OSBPL3: variants seen among roughly 807,000 people sequenced by gnomAD.
The protein encoded by OSBPL3 is oxysterol-binding protein-related protein 3.
A neutral mutation model predicts 120.1 loss-of-function variants in OSBPL3; 65 were observed. That is an observed-to-expected ratio of 0.54 (90% CI 0.44 to 0.67). The LOEUF (loss-of-function observed/expected upper bound fraction) is 0.67, where lower values mean the gene tolerates loss of function less well. Among genes scored for constraint, OSBPL3 ranks in the 30% least tolerant of loss-of-function variants. OSBPL3 has a pLI of 0.00. For synonymous variants in OSBPL3, 416 were observed against 402.6 expected (o/e 1.03, Z -0.40); for missense variants, 1,004 against 1,082.1 (o/e 0.93, Z 1.01).
intron 1 of OSBPL3, among the ~76,000 whole-genome samples, chr7:24,971,792 G>A (rs1817055083): frequency 6.6e-6 from 1 of 152,192 alleles, no homozygotes; most frequent in South Asian, 2.1e-4. Context: ...CTGGCACATG[G>A]AGAGCGCCCA....
chr7:24,971,338 G>A (rs1222140618), intron 1 of OSBPL3, among the ~76,000 whole-genome samples: 1 of 152,228 alleles, frequency 6.6e-6, no homozygotes, highest in Non-Finnish European at 1.5e-5. Context: ...TTTGGTAAAT[G>A]AAGCCAAAGA....
intron 2 of OSBPL3, among the ~76,000 whole-genome samples, chr7:24,878,662 G>C (rs1803198497): frequency 6.6e-6 from 1 of 152,148 alleles, no homozygotes; most frequent in Non-Finnish European, 1.5e-5. Flanking sequence ...ATGTTTCTCA[G>C]CTATGGTTTT....
At chr7:24,929,761 G>A (rs530103697) in intron 1 of OSBPL3, among the ~76,000 whole-genome samples, 1 of 151,946 alleles carries the variant, frequency 6.6e-6, no homozygotes, top group South Asian at 2.1e-4. Flanking sequence ...ATTCCAAATT[G>A]TACCTGTTTT....
In OSBPL3 at chr7:24,937,238, G is replaced by C. The variant is rs1584675940; in HGVS notation, c.-150+42648C>G. Among the ~76,000 whole-genome samples the C allele has an allele frequency of 6.6e-6, 1 of 152,258 alleles. No individual in the cohort carries two copies. Among genetic ancestry groups the C allele is most frequent in the South Asian group, 2.1e-4 (1 of 4,826 alleles). ...TATTATCATGAGAACAGGATGGAGG[G>C]AACCTCTCCCATAATTCAATTTTCT... On this transcript the variant is annotated intron_variant, in intron 1 of 22. Transcript: ENST00000313367. The surrounding 1 kb of genome is among the most constrained non-coding windows in gnomAD (Gnocchi z 4.0).
intron 10 of OSBPL3, among the ~76,000 whole-genome samples, chr7:24,859,795 G>A (rs550588002): frequency 6.6e-6 from 1 of 152,180 alleles, no homozygotes. Flanking sequence ...AATACCTGAC[G>A]TGACAGTTAT....
chr7:24,810,020 A>G (rs1288943449), intron 19 of OSBPL3, 69 bp from the exon 20 acceptor site: 2 of 1,559,594 alleles, frequency 1.3e-6, no homozygotes, highest in African/African-American at 1.4e-5. Context: ...AGGAAAGAAA[A>G]AAGGAAAAGC....
intron 5 of OSBPL3, among the ~76,000 whole-genome samples, chr7:24,866,793 G>A (rs1363293263): frequency 1.3e-5 from 2 of 152,130 alleles, no homozygotes; most frequent in African/African-American, 2.4e-5. Context: ...CTTTCTATGA[G>A]TAAGTCCAAC....
chr7:24,825,208 A>G (rs1795564386), intron 16 of OSBPL3, among the ~76,000 whole-genome samples: 1 of 152,214 alleles, frequency 6.6e-6, no homozygotes, highest in African/African-American at 2.4e-5. Flanking sequence ...TCCTACTGCA[A>G]TAATCCCAGT....
intron 14 of OSBPL3, among the ~76,000 whole-genome samples, chr7:24,836,819 A>C (rs1345569076): frequency 6.6e-6 from 1 of 152,022 alleles, no homozygotes; most frequent in African/African-American, 2.4e-5. Flanking sequence ...TTAACTTCTG[A>C]ATTTGTTTTG....
In OSBPL3 at chr7:24,817,892, G is replaced by T. The variant is rs1794662491; in HGVS notation, c.1949-1204C>A. Among the ~76,000 whole-genome samples the T allele has an allele frequency of 6.6e-6, 1 of 152,292 alleles. No individual in the cohort carries two copies. The highest frequency in any genetic ancestry group is 2.1e-4 in the South Asian group (1 of 4,826). On this transcript the variant is annotated intron_variant, in intron 17 of 22. Transcript: ENST00000313367. The surrounding 1 kb of genome is among the most constrained non-coding windows in gnomAD (Gnocchi z 4.0). ...AGATTTCTCTAACTTGCAATGAATGGTGGTACCAACAGAGAAGCCAGGAAA... is the reference window on the plus strand; with the variant it reads ...AGATTTCTCTAACTTGCAATGAATGTTGGTACCAACAGAGAAGCCAGGAAA...
Position 24,870,839 on chromosome 7 carries a change from T to C in OSBPL3, c.274A>G (p.Arg92Gly). 1.1e-5 allele frequency: 17 copies of C among 1,609,640 alleles called. No homozygotes were observed. Among genetic ancestry groups the C allele is most frequent in the Non-Finnish European group, 1.4e-5 (17 of 1,175,970 alleles). Residue 92 changes from arginine to glycine, a missense_variant, in exon 5 of 23, where the codon AGA becomes GGA. This residue lies in a region of OSBPL3 where 255 missense variants were observed against 248.7 expected (regional missense o/e 1.03). Coordinates refer to ENST00000313367, the MANE Select transcript of OSBPL3 (RefSeq NM_015550.4). ...KYAKSQTDIE[R>G]EKLHGCIDVG... The stretch of plus-strand genomic sequence containing the variant: ...TCAATGCAGCCATGCAGCTTCTCTC[T>C]CTCTATCTGCAGAGGCACCAAGAGG...
rs932721785 is a variant in OSBPL3, at chr7:24,798,254, T to C, written c.*1929A>G. On this transcript the variant is annotated 3_prime_UTR_variant, in exon 23 of 23. Transcript: ENST00000313367. The surrounding 1 kb of genome is among the most constrained non-coding windows in gnomAD (Gnocchi z 4.6). ...GTGCTACGTCCATTCAGGCTGTGCA[T>C]TTTGTTTTCGTTGCTTCTTTCTTTT... 3.3e-5 allele frequency: 5 copies of C among 152,244 alleles called. No homozygotes were observed. Among genetic ancestry groups the C allele is most frequent in the Non-Finnish European group, 5.9e-5 (4 of 68,042 alleles). 9.4% of individuals were successfully genotyped at this position (152,244 alleles called of 1,614,324 possible).
At position 24,835,149 on chromosome 7, in the gene OSBPL3, C is replaced by A. The variant is rs1796845188; in HGVS notation, c.1496-413G>T. Among the ~76,000 whole-genome samples, 1 of 152,128 alleles carries A rather than the reference C, an allele frequency of 6.6e-6. No individual in the cohort carries two copies. Among genetic ancestry groups the A allele is most frequent in the African/African-American group, 2.4e-5 (1 of 41,430 alleles). On this transcript the variant is annotated intron_variant, in intron 14 of 22. Transcript: ENST00000313367. This position sits in a 1 kb window ranked among gnomAD's most constrained non-coding sequence, Gnocchi z 4.8. ...ACTATAAAGGAAATAATGGTCTTTTCATTGCTCCACCACCCCAAAATAGCA... is the reference window on the plus strand; with the variant it reads ...ACTATAAAGGAAATAATGGTCTTTTAATTGCTCCACCACCCCAAAATAGCA...
Position 24,917,466 on chromosome 7 carries a change from T to C in OSBPL3, c.-149-24845A>G, listed in dbSNP as rs1458874543. Among the ~76,000 whole-genome samples the C allele has an allele frequency of 1.2e-4, 15 of 121,194 alleles. 1 individual carries two copies. The highest frequency in any genetic ancestry group is 9.8e-4 in the East Asian group (3 of 3,052). 79.5% of individuals were successfully genotyped at this position (121,194 alleles called of 152,430 possible). A position where few individuals can be genotyped will look rare whatever the true frequency, so the allele number is the denominator to read the frequency against. ...ATATATACACACACATATATATATATATACACACACACACACACACACTTA... is the reference window on the plus strand; with the variant it reads ...ATATATACACACACATATATATATACATACACACACACACACACACACTTA... On this transcript the variant is annotated intron_variant, in intron 1 of 22. Transcript: ENST00000313367.
chr7:24,807,002 C>G (rs1793133313), intron 20 of OSBPL3, 100 bp from the exon 21 acceptor site: 4 of 959,628 alleles, frequency 4.2e-6, no homozygotes, highest in African/African-American at 1.7e-5. Flanking sequence ...CAATTTTTCT[C>G]TCTCAGCTCC....
Position 24,806,860 on chromosome 7 carries a change from T to C in OSBPL3, c.2360A>G (p.Gln787Arg), listed in dbSNP as rs1185598222. 6 of 1,613,822 alleles carry C rather than the reference T, an allele frequency of 3.7e-6. No homozygotes were observed. Among genetic ancestry groups the C allele is most frequent in the South Asian group, 3.3e-5 (3 of 91,072 alleles). Residue 787 changes from glutamine to arginine, a missense_variant, in exon 21 of 23, where the codon CAG becomes CGG. This residue lies in a region of OSBPL3 where 473 missense variants were observed against 568.0 expected (regional missense o/e 0.83). Transcript: ENST00000313367. This position sits in a 1 kb window ranked among gnomAD's most constrained non-coding sequence, Gnocchi z 5.2. ...KGYEQYYSFT[Q>R]FALELNEMDP... The stretch of plus-strand genomic sequence containing the variant: ...CATTTCATTTAATTCCAGCGCAAAC[T>C]GTGTGAAGCTATAGTATTGCTCGTA...
At chr7:24,809,039 A>G (rs1793423262) in intron 20 of OSBPL3, among the ~76,000 whole-genome samples, 1 of 152,154 alleles carries the variant, frequency 6.6e-6, no homozygotes, top group South Asian at 2.1e-4. Context: ...TCCTTGACAC[A>G]GGTAAATTGC....
chr7:24,890,782 A>C (rs1357698472), intron 2 of OSBPL3, among the ~76,000 whole-genome samples: 1 of 152,238 alleles, frequency 6.6e-6, no homozygotes, highest in Non-Finnish European at 1.5e-5. Flanking sequence ...TGATTGACCA[A>C]GCATTCCAAG....
rs930278282 is a variant in OSBPL3 at position 24,833,840 on chromosome 7, G to A, written c.1746+646C>T. 6.6e-6 allele frequency among the ~76,000 whole-genome samples: 1 copy of A among 152,200 alleles called. No individual in the cohort carries two copies. Among genetic ancestry groups the A allele is most frequent in the Non-Finnish European group, 1.5e-5 (1 of 68,024 alleles). On this transcript the variant is annotated intron_variant, in intron 15 of 22. Transcript: ENST00000313367. The surrounding 1 kb of genome is among the most constrained non-coding windows in gnomAD (Gnocchi z 4.4). ...TCCCAATCTCCCTACCCATGAGATG[G>A]GGGAAAGATGAGAAATACTTGGAAG...
Sources: allele counts gnomAD v4.1 joint callset (sites outside exome capture counted in the v4.1 genomes callset), GRCh38; gene constraint gnomAD v4.1.1; regional missense constraint gnomAD v4.1.1; non-coding constraint Gnocchi (gnomAD v3.1); transcripts MANE v1.5; gene names NCBI Gene and HGNC (gene_info 2026-07-23, HGNC 2026-07-21).